Variants in DNAJA3 observed in about 807,000 individuals in gnomAD.
DNAJA3 encodes dnaJ homolog subfamily A member 3, mitochondrial.
DNAJA3 carries 29 observed loss-of-function variants against 54.9 expected under a neutral mutation model. The observed-to-expected ratio is 0.53, with a 90% CI of 0.39 to 0.72. The LOEUF (loss-of-function observed/expected upper bound fraction) is 0.72, where lower values mean the gene tolerates loss of function less well. Among genes scored for constraint, DNAJA3 ranks in the 30% least tolerant of loss-of-function variants. The pLI is 0.00. For missense variants in DNAJA3, 708 were observed against 639.4 expected (o/e 1.11, Z -1.16); for synonymous variants, 302 against 251.4 (o/e 1.20, Z -1.90).
intron 7 of DNAJA3, among the ~76,000 whole-genome samples, chr16:4,446,621 A>G (rs2056905034): frequency 6.6e-6 from 1 of 152,140 alleles, no homozygotes; most frequent in Non-Finnish European, 1.5e-5. Context: ...GCTTGATCTG[A>G]GACTGAGGAA....
At chr16:4,445,427 A>G (rs1372639008) in intron 7 of DNAJA3, among the ~76,000 whole-genome samples, 2 of 152,242 alleles carry the variant, frequency 1.3e-5, no homozygotes, top group Admixed American at 6.5e-5. Flanking sequence ...AGATGGCATT[A>G]TGTATTATTT....
At chr16:4,427,141 C>T (rs1391752863) in intron 1 of DNAJA3, 1 of 152,226 alleles carries the variant, frequency 6.6e-6, no homozygotes, top group African/African-American at 2.4e-5. Flanking sequence ...TGGTCTCAAA[C>T]TCCAGACCTC....
At chr16:4,452,959 C>T (rs1045887973) in intron 10 of DNAJA3, among the ~76,000 whole-genome samples, 2 of 152,186 alleles carry the variant, frequency 1.3e-5, no homozygotes, top group African/African-American at 4.8e-5. Flanking sequence ...GTGGTTAAGT[C>T]TCTCATTATA....
At position 4,446,921 on chromosome 16, in the gene DNAJA3, A is replaced by G. The variant is rs777365452; in HGVS notation, c.1032A>G (p.Ala344=). The change falls in exon 8 of 12, where the codon GCA becomes GCG. Residue 344 remains alanine, a synonymous_variant. Transcript: ENST00000262375. ...GCCCTGTGTTCCGGAGGGACGGCGC[A>G]GACATCCACTCCGACCTCTTTATTT... ...QKSPVFRRDG[A]DIHSDLFISI... 6.2e-7 allele frequency: 1 copy of G among 1,614,150 alleles called. No individual in the cohort carries two copies. The highest frequency in any genetic ancestry group is 1.1e-5 in the South Asian group (1 of 91,078).
chr16:4,437,672 C>T, intron 3 of DNAJA3, 187 bp downstream of exon 3: 1 of 557,604 alleles, frequency 1.8e-6, no homozygotes, highest in East Asian at 3.0e-5. Context: ...TGGCTCACTC[C>T]TGTAGTCCTA....
chr16:4,436,502 A>T (rs1218599287), intron 2 of DNAJA3, among the ~76,000 whole-genome samples: 9 of 152,090 alleles, frequency 5.9e-5, no homozygotes, highest in Admixed American at 5.9e-4. Flanking sequence ...AACAGCAGAG[A>T]CGTCTATTTA....
intron 1 of DNAJA3, among the ~76,000 whole-genome samples, chr16:4,428,439 GT>G (rs1029268702): frequency 6.0e-4 from 92 of 152,290 alleles, no homozygotes; most frequent in Non-Finnish European, 9.8e-4. Flanking sequence ...TGTCAAGGTT[GT>G]TTTAAATAGA....
At chr16:4,432,890 C>G (rs569137048) in intron 1 of DNAJA3, among the ~76,000 whole-genome samples, 1 of 151,862 alleles carries the variant, frequency 6.6e-6, no homozygotes, top group African/African-American at 2.4e-5. Flanking sequence ...GCCGGTAATC[C>G]CAGCACTTTG....
intron 1 of DNAJA3, among the ~76,000 whole-genome samples, chr16:4,427,947 C>T (rs2056645270): frequency 6.6e-6 from 1 of 151,738 alleles, no homozygotes; most frequent in Non-Finnish European, 1.5e-5. Context: ...ACCTGGCCAA[C>T]AGAATGAATT....
intron 1 of DNAJA3, among the ~76,000 whole-genome samples, chr16:4,428,645 C>T (rs375812094): frequency 6.6e-6 from 1 of 152,124 alleles, no homozygotes; most frequent in East Asian, 1.9e-4. Flanking sequence ...GTCTTGTTCC[C>T]CAAGTGAGCT....
At chr16:4,435,709 C>T (rs1596362214) in intron 2 of DNAJA3, among the ~76,000 whole-genome samples, 1 of 152,178 alleles carries the variant, frequency 6.6e-6, no homozygotes, top group Non-Finnish European at 1.5e-5. Flanking sequence ...GGATTAATCA[C>T]ATTTTGTTTA....
At chr16:4,432,016 T>A (rs906723152) in intron 1 of DNAJA3, 4 of 151,980 alleles carry the variant, frequency 2.6e-5, no homozygotes, top group Non-Finnish European at 5.9e-5. Flanking sequence ...CATTAATCGT[T>A]ATCATCTCTA....
At chr16:4,426,321 C>G (rs1280845958) in intron 1 of DNAJA3, among the ~76,000 whole-genome samples, 1 of 152,160 alleles carries the variant, frequency 6.6e-6, no homozygotes, top group Non-Finnish European at 1.5e-5. Flanking sequence ...TGAAACGCCC[C>G]GTAGATCGTG....
intron 11 of DNAJA3, 97 bp from the exon 12 acceptor site, chr16:4,455,449 G>A (rs1016558411): frequency 6.9e-7 from 1 of 1,442,934 alleles, no homozygotes; most frequent in African/African-American, 1.4e-5. Flanking sequence ...CCCCTCTCTT[G>A]GCACAGCTGC....
intron 10 of DNAJA3, 58 bp from the exon 11 acceptor site, chr16:4,454,753 G>C: frequency 7.3e-7 from 1 of 1,368,496 alleles, no homozygotes; most frequent in Non-Finnish European, 1.0e-6. Context: ...TGGGCCCTGG[G>C]ATGTGACTGT....
chr16:4,449,005 C>CT (rs1340395950), intron 9 of DNAJA3, among the ~76,000 whole-genome samples, 157 bp downstream of exon 9: 2 of 151,530 alleles, frequency 1.3e-5, no homozygotes, highest in East Asian at 3.9e-4. Context: ...TGGTCAACTT[C>CT]TTTTTTTTTG....
rs1056714301 is a variant in DNAJA3, at chr16:4,455,490, G to A, written c.*14-56G>A. ...AGGGATTAACAGACGCTCCCCACAG[G>A]GGTGTGTTCCCTTGAAATGTTGAGT... On this transcript the variant is annotated intron_variant, in intron 11 of 11. Transcript: ENST00000262375. 9.1e-6 allele frequency: 14 copies of A among 1,543,936 alleles called. 1 individual carries two copies. In the Admixed American group the frequency reaches 1.2e-4, roughly 13 times the overall value.
chr16:4,427,478 G>A (rs1187227912), intron 1 of DNAJA3: 1 of 152,150 alleles, frequency 6.6e-6, no homozygotes, highest in Non-Finnish European at 1.5e-5. Flanking sequence ...AAAAGAGCCT[G>A]GGCTTCAGGG....
intron 10 of DNAJA3, among the ~76,000 whole-genome samples, chr16:4,452,284 C>G (rs1024255030): frequency 1.3e-5 from 2 of 152,140 alleles, no homozygotes; most frequent in Non-Finnish European, 2.9e-5. Flanking sequence ...TCCTCAAACC[C>G]TACAATCACA....
Sources: gnomAD v4.1 joint callset for allele counts (sites outside exome capture counted in the v4.1 genomes callset) on GRCh38, gnomAD v4.1.1 for gene constraint, MANE v1.5 for transcripts, NCBI Gene and HGNC (gene_info 2026-07-23, HGNC 2026-07-21) for gene names.